The following B3GALT1 variants were observed in gnomAD, a reference collection of about 807,000 sequenced individuals.
The protein encoded by B3GALT1 is UDP-Gal:betaGlcNAc beta 1,3-galactosyltransferase, polypeptide 1.
A neutral mutation model predicts 23.2 loss-of-function variants in B3GALT1; 10 were observed. The ratio of observed to expected loss-of-function variants is 0.43; its 90% CI spans 0.27 to 0.73. The LOEUF is 0.73. B3GALT1 is among the 30% of genes least tolerant of loss of function. B3GALT1 has a pLI of 0.21. For missense variants in B3GALT1, 299 were observed against 405.4 expected (o/e 0.74, Z 2.25); for synonymous variants, 156 against 141.5 (o/e 1.10, Z -0.73).
At chr2:167,518,038 A>G (rs1380483963) in intron 2 of B3GALT1, among the ~76,000 whole-genome samples, 1 of 151,982 alleles carries the variant, frequency 6.6e-6, no homozygotes, top group East Asian at 1.9e-4. Flanking sequence ...AACAACAACA[A>G]AAAAAATTGT....
At chr2:167,562,727 G>A (rs1261484036) in intron 2 of B3GALT1, among the ~76,000 whole-genome samples, 1 of 151,054 alleles carries the variant, frequency 6.6e-6, no homozygotes, top group Non-Finnish European at 1.5e-5. Flanking sequence ...AGGACAATTA[G>A]TGGAGGGAAG....
chr2:167,761,009 T>C (rs1296862587), intron 3 of B3GALT1, among the ~76,000 whole-genome samples: 1 of 152,218 alleles, frequency 6.6e-6, no homozygotes, highest in Non-Finnish European at 1.5e-5. Context: ...CAATATTACA[T>C]GTGCCTGTTT....
rs80232687 is a variant in B3GALT1 at position 167,353,937 on chromosome 2, T to C, written c.-511+60603T>C. On this transcript the variant is annotated intron_variant, in intron 1 of 4. Coordinates refer to ENST00000392690, the MANE Select transcript of B3GALT1 (RefSeq NM_020981.4). ...GGGTGATATAAATATGGTTTATTTATGATCATTGTGAAATCTTAAGGAGCT... is the reference window on the plus strand; with the variant it reads ...GGGTGATATAAATATGGTTTATTTACGATCATTGTGAAATCTTAAGGAGCT... 2.8e-4 allele frequency among the ~76,000 whole-genome samples: 42 copies of C among 152,304 alleles called. 2 individuals carry two copies. In the East Asian group the frequency reaches 7.7e-3, roughly 28 times the overall value.
rs149923241 is a variant in B3GALT1 at position 167,452,134 on chromosome 2, GT to G, written c.-510-38039del. Among the ~76,000 whole-genome samples, 1,519 of 152,180 alleles carry G rather than the reference GT, an allele frequency of 1.0e-2. 33 individuals are homozygous for G. Among genetic ancestry groups the G allele is most frequent in the African/African-American group, 0.035 (1,436 of 41,532 alleles). On this transcript the variant is annotated intron_variant, in intron 1 of 4. Transcript: ENST00000392690. ...GCTGAGAAAGCAAGCTGGGCTTTCAGTTTTCACACCTTCCCTCCTGCCATGG... is the reference window on the plus strand; with the variant it reads ...GCTGAGAAAGCAAGCTGGGCTTTCAGTTTCACACCTTCCCTCCTGCCATGG...
At chr2:167,736,740 A>T (rs1687498056) in intron 3 of B3GALT1, among the ~76,000 whole-genome samples, 1 of 151,970 alleles carries the variant, frequency 6.6e-6, no homozygotes, top group South Asian at 2.1e-4. Flanking sequence ...TGTTTCTACT[A>T]AAAAAAAGAA....
chr2:167,529,336 T>G (rs1481010896), intron 2 of B3GALT1, among the ~76,000 whole-genome samples: 1 of 151,938 alleles, frequency 6.6e-6, no homozygotes, highest in Non-Finnish European at 1.5e-5. Flanking sequence ...TTTCTTATCA[T>G]ATGTACCAAA....
chr2:167,835,325 A>T (rs1290559927), intron 4 of B3GALT1, among the ~76,000 whole-genome samples: 1 of 152,190 alleles, frequency 6.6e-6, no homozygotes, highest in East Asian at 1.9e-4. Flanking sequence ...GGTCACTCCC[A>T]CCCGAATACT....
At chr2:167,300,266 T>A (rs1696424196) in intron 1 of B3GALT1, among the ~76,000 whole-genome samples, 2 of 152,212 alleles carry the variant, frequency 1.3e-5, no homozygotes, top group South Asian at 4.1e-4. Context: ...TTTCTCCTGA[T>A]TTTATGTCAT....
chr2:167,348,451 T>A (rs1176790747), intron 1 of B3GALT1, among the ~76,000 whole-genome samples: 1 of 152,190 alleles, frequency 6.6e-6, no homozygotes, highest in African/African-American at 2.4e-5. Flanking sequence ...ATATAAATTT[T>A]ATTTATGAAA....
intron 3 of B3GALT1, among the ~76,000 whole-genome samples, chr2:167,793,947 T>C (rs577993798): frequency 6.6e-6 from 1 of 152,268 alleles, no homozygotes; most frequent in African/African-American, 2.4e-5. Flanking sequence ...ACTTTGCCAC[T>C]CAGCTGATTC....
chr2:167,607,791 A>G (rs1205239965), intron 2 of B3GALT1, among the ~76,000 whole-genome samples: 1 of 152,212 alleles, frequency 6.6e-6, no homozygotes, highest in Non-Finnish European at 1.5e-5. Context: ...TGCAAATTCC[A>G]CTAGAAACTC....
chr2:167,842,403 C>T (rs73971295), intron 4 of B3GALT1, among the ~76,000 whole-genome samples: 9,915 of 152,226 alleles, frequency 0.065, 846 homozygotes, highest in African/African-American at 0.19. Context: ...TCATCAGTTT[C>T]TGTAGAATGT....
At chr2:167,631,423 A>T (rs1411539955) in intron 2 of B3GALT1, 1 of 151,876 alleles carries the variant, frequency 6.6e-6, no homozygotes, top group East Asian at 1.9e-4. Flanking sequence ...CTCTAGATTA[A>T]TGTTAGAGCT....
intron 3 of B3GALT1, among the ~76,000 whole-genome samples, chr2:167,649,277 C>A (rs1174947078): frequency 6.6e-6 from 1 of 152,024 alleles, no homozygotes; most frequent in East Asian, 1.9e-4. Flanking sequence ...GAATTTCCTT[C>A]TTCTCTTGTT....
chr2:167,462,821 G>A (rs1699280947), intron 1 of B3GALT1, among the ~76,000 whole-genome samples: 1 of 152,024 alleles, frequency 6.6e-6, no homozygotes, highest in Non-Finnish European at 1.5e-5. Context: ...TAAAACTAAT[G>A]CTAATTATAC....
At chr2:167,435,046 T>C (rs1559095299) in intron 1 of B3GALT1, among the ~76,000 whole-genome samples, 1 of 152,096 alleles carries the variant, frequency 6.6e-6, no homozygotes, top group Non-Finnish European at 1.5e-5. Flanking sequence ...TCCATAATCC[T>C]TAATGATTTT....
intron 3 of B3GALT1, among the ~76,000 whole-genome samples, chr2:167,810,246 G>A (rs1333533092): frequency 2.7e-5 from 4 of 150,858 alleles, no homozygotes; most frequent in Admixed American, 2.0e-4. Flanking sequence ...GTGATGCCTC[G>A]CCCTGCTTCG....
chr2:167,628,391 A>C (rs1685382385), intron 2 of B3GALT1, among the ~76,000 whole-genome samples: 1 of 149,596 alleles, frequency 6.7e-6, no homozygotes, highest in South Asian at 2.1e-4. Flanking sequence ...CTATTTCGAA[A>C]CATGGCTTGT....
At chr2:167,806,096 A>T (rs1349335660) in intron 3 of B3GALT1, among the ~76,000 whole-genome samples, 1 of 152,148 alleles carries the variant, frequency 6.6e-6, no homozygotes, top group African/African-American at 2.4e-5. Context: ...AGCAATTGTG[A>T]ATGAAAGTTC....
Sources: gnomAD v4.1 joint callset for allele counts (sites outside exome capture counted in the v4.1 genomes callset) on GRCh38, gnomAD v4.1.1 for gene constraint, MANE v1.5 for transcripts, NCBI Gene and HGNC (gene_info 2026-07-23, HGNC 2026-07-21) for gene names.